The following CELSR1 variants were observed in gnomAD, a reference collection of about 807,000 sequenced individuals.
CELSR1 encodes the protein adhesion G protein-coupled receptor C1.
Under a neutral mutation model 249.1 loss-of-function variants are expected in CELSR1, and 110 were observed. That is an observed-to-expected ratio of 0.44 (90% CI 0.38 to 0.52). CELSR1 has a LOEUF of 0.52. CELSR1 is among the 20% of genes least tolerant of loss of function. CELSR1 has a pLI of 0.00. For missense variants in CELSR1, 4,109 were observed against 4,296.4 expected (o/e 0.96, Z 1.22); for synonymous variants, 2,113 against 1,900.0 (o/e 1.11, Z -2.92).
In CELSR1 at chr22:46,517,664, G is replaced by A. The variant is rs1466714587; in HGVS notation, c.3544+15963C>T. 6.6e-6 allele frequency among the ~76,000 whole-genome samples: 1 copy of A among 152,210 alleles called. No homozygotes were observed. Among genetic ancestry groups the A allele is most frequent in the African/African-American group, 2.4e-5 (1 of 41,458 alleles). ...TGCAGGACAGACAGGAAGTCTCACA[G>A]AACAATAAACCTTCATATTTTCCAT... On this transcript the variant is annotated intron_variant, in intron 1 of 34. Coordinates refer to ENST00000674500, the MANE Select transcript of CELSR1 (RefSeq NM_001378328.1). This position sits in a 1 kb window ranked among gnomAD's most constrained non-coding sequence, Gnocchi z 5.4.
chr22:46,412,493 C>T lies in CELSR1; in HGVS notation c.4612-734G>A, dbSNP rs1785340847. Among the ~76,000 whole-genome samples, 2 of 152,210 alleles carry T rather than the reference C, an allele frequency of 1.3e-5. No individual in the cohort carries two copies. Among genetic ancestry groups the T allele is most frequent in the Non-Finnish European group, 2.9e-5 (2 of 68,030 alleles). ...CCGGCCTGCAGACGGCCCCACATCT[C>T]CCCTCTAAGGCGTGGAACTCCCTCT... On this transcript the variant is annotated intron_variant, in intron 5 of 34. Coordinates refer to ENST00000674500, the MANE Select transcript of CELSR1 (RefSeq NM_001378328.1). The surrounding 1 kb of genome is among the most constrained non-coding windows in gnomAD (Gnocchi z 4.5).
intron 24 of CELSR1, 130 bp downstream of exon 24, chr22:46,376,931 G>T: frequency 1.1e-6 from 1 of 895,312 alleles, no homozygotes; most frequent in Non-Finnish European, 1.7e-6. Context: ...TCCTGAAAGG[G>T]CATCTGTGAA....
In CELSR1 at chr22:46,389,429, C is replaced by T. The variant is rs761619579; in HGVS notation, c.6416G>A (p.Arg2139His). 18 of 1,612,848 alleles carry T rather than the reference C, an allele frequency of 1.1e-5. No homozygotes were observed. Among genetic ancestry groups the T allele is most frequent in the East Asian group, 4.5e-5 (2 of 44,884 alleles). Residue 2139 changes from arginine to histidine, a missense_variant, in exon 18 of 35, where the codon CGC becomes CAC. Physicochemically the swap from Arg to His is conservative, Grantham distance 29. This residue lies in a region of CELSR1 where 1,805 missense variants were observed against 1,831.6 expected (regional missense o/e 0.99). Coordinates refer to ENST00000674500, the MANE Select transcript of CELSR1 (RefSeq NM_001378328.1). ...CGTGCCCGTGTGCTGTGTAGCACTG[C>T]GCAGCGCCCTCACCAGCTGCAGGGC... ...ARALQLVRALRSATQHTGTLF... is the reference protein window; with the variant it reads ...ARALQLVRALHSATQHTGTLF...
intron 25 of CELSR1, 91 bp downstream of exon 25, chr22:46,372,792 G>A (rs779782809): frequency 6.8e-7 from 1 of 1,461,156 alleles, no homozygotes; most frequent in Non-Finnish European, 9.2e-7. Context: ...TTGGGGCTGG[G>A]CAGGGAAGAG....
chr22:46,485,653 C>T (rs1301257682), intron 1 of CELSR1, among the ~76,000 whole-genome samples: 2 of 152,186 alleles, frequency 1.3e-5, no homozygotes, highest in Non-Finnish European at 2.9e-5. Context: ...GGCCAGCAGG[C>T]TCCATGCACC....
rs1158707400 is a variant in CELSR1 at position 46,364,522 on chromosome 22, C to T, written c.8769G>A (p.Glu2923=). 2 of 1,610,658 alleles carry T rather than the reference C, an allele frequency of 1.2e-6. No homozygotes were observed. Among genetic ancestry groups the T allele is most frequent in the Admixed American group, 1.7e-5 (1 of 59,964 alleles). ...GGCCTCCCCAGGCACCTTTCCTCTG[C>T]TCTGGGGGCTGGCTGCTAGCAAGCC... is the stretch of plus-strand genomic sequence containing the variant. ...AARLASSQPP[E]QRKGILKNKV... The change falls in exon 33 of 35, where the codon GAG becomes GAA. Residue 2923 remains glutamate (E), a synonymous_variant. Coordinates refer to ENST00000674500, the MANE Select transcript of CELSR1 (RefSeq NM_001378328.1).
At chr22:46,403,700 C>T (rs554567850) in intron 9 of CELSR1, among the ~76,000 whole-genome samples, 7 of 152,202 alleles carry the variant, frequency 4.6e-5, no homozygotes, top group South Asian at 4.1e-4. Context: ...AGGCCAGGCA[C>T]GGTGGCTCAC....
Position 46,378,723 on chromosome 22 carries a change from G to T in CELSR1, c.7257-6C>A. 12 of 1,610,640 alleles carry T rather than the reference G, an allele frequency of 7.5e-6. No individual in the cohort carries two copies. The highest frequency in any genetic ancestry group is 1.0e-5 in the Non-Finnish European group (12 of 1,178,222). ...ACCCTCCCGTCCCACCAACGCTGCG[G>T]AGAGGACAGAGAAGGGGCAGGGGTA... is the stretch of plus-strand genomic sequence containing the variant. On this transcript the variant is annotated splice_polypyrimidine_tract_variant and splice_region_variant and intron_variant, in intron 22 of 34. Coordinates refer to ENST00000674500, the MANE Select transcript of CELSR1 (RefSeq NM_001378328.1).
At chr22:46,378,347 T>A (rs1422287046) in intron 23 of CELSR1, among the ~76,000 whole-genome samples, 2 of 152,204 alleles carry the variant, frequency 1.3e-5, no homozygotes, top group African/African-American at 4.8e-5. Context: ...AAAACCCTTA[T>A]AATGGGGCTT....
At chr22:46,515,902 A>G (rs935850354) in intron 1 of CELSR1, among the ~76,000 whole-genome samples, 1 of 152,350 alleles carries the variant, frequency 6.6e-6, no homozygotes, top group East Asian at 1.9e-4. Context: ...CAAAACCACA[A>G]TGAGATATCA....
chr22:46,524,559 T>TATGC (rs2080719276), intron 1 of CELSR1, among the ~76,000 whole-genome samples: 2 of 122,836 alleles, frequency 1.6e-5, no homozygotes, highest in Non-Finnish European at 3.6e-5. Flanking sequence ...TGTGTGTGTG[T>TATGC]GTGTGTGTGT....
At chr22:46,371,103 C>T (rs1411493732) in intron 25 of CELSR1, among the ~76,000 whole-genome samples, 1 of 152,206 alleles carries the variant, frequency 6.6e-6, no homozygotes, top group Non-Finnish European at 1.5e-5. Context: ...CCTGTCACAT[C>T]AGGAAGTGGC....
At position 46,535,289 on chromosome 22, in the gene CELSR1, A is replaced by G. The variant is rs1316360623; in HGVS notation, c.1882T>C (p.Phe628Leu). 5 of 1,611,102 alleles carry G rather than the reference A, an allele frequency of 3.1e-6. No homozygotes were observed. The highest frequency in any genetic ancestry group is 4.2e-6 in the Non-Finnish European group (5 of 1,179,998). The stretch of plus-strand genomic sequence containing the variant: ...GAGCTGTTGTGGATCTGGAAGGGGA[A>G]GTCAGGGGTGGGGGCAGGATTCTTA... ...GPKNPAPTPD[F>L]PFQIHNSSGW... Residue 628 changes from phenylalanine (F) to leucine (L), a missense_variant, in exon 1 of 35, where the codon TTC becomes CTC. Coordinates refer to ENST00000674500, the MANE Select transcript of CELSR1 (RefSeq NM_001378328.1).
At chr22:46,400,215 G>C (rs941030064) in intron 9 of CELSR1, among the ~76,000 whole-genome samples, 1 of 151,860 alleles carries the variant, frequency 6.6e-6, no homozygotes, top group African/African-American at 2.4e-5. Flanking sequence ...CTGTAATCCT[G>C]GCTACTCAGA....
chr22:46,377,348 T>C, intron 23 of CELSR1, 87 bp from the exon 24 acceptor site: 1 of 1,384,626 alleles, frequency 7.2e-7, no homozygotes, highest in East Asian at 2.5e-5. Context: ...AATTACACAC[T>C]TGCTTATGAA....
Position 46,409,629 on chromosome 22 carries a change from C to T in CELSR1, c.5059+126G>A. Reference sequence around the variant, plus strand: ...GGGCGGTGTGAGTCCACAGTAAATGCAGCATATACCACCAGAGGCTGCCGG... The same window carrying T: ...GGGCGGTGTGAGTCCACAGTAAATGTAGCATATACCACCAGAGGCTGCCGG... On this transcript the variant is annotated intron_variant, in intron 8 of 34. Coordinates refer to ENST00000674500, the MANE Select transcript of CELSR1 (RefSeq NM_001378328.1). This position sits in a 1 kb window ranked among gnomAD's most constrained non-coding sequence, Gnocchi z 9.8. The T allele has an allele frequency of 8.7e-7, 1 of 1,143,726 alleles. No homozygotes were observed. Among genetic ancestry groups the T allele is most frequent in the Admixed American group, 1.9e-5 (1 of 52,712 alleles). The allele number at this position is 1,143,726 out of a possible 1,614,324, so 70.8% of individuals were successfully genotyped here. A position where few individuals can be genotyped will look rare whatever the true frequency, so the allele number is the denominator to read the frequency against.
At position 46,391,500 on chromosome 22, in the gene CELSR1, A is replaced by C. The variant is rs867130457; in HGVS notation, c.6148+133T>G. 25 of 1,124,838 alleles carry C rather than the reference A, an allele frequency of 2.2e-5. No individual in the cohort carries two copies. Among genetic ancestry groups the C allele is most frequent in the African/African-American group, 2.2e-4 (14 of 63,754 alleles). The allele number at this position is 1,124,838 out of a possible 1,614,324, so 69.7% of individuals were successfully genotyped here. On this transcript the variant is annotated intron_variant, in intron 15 of 34. Coordinates refer to ENST00000674500, the MANE Select transcript of CELSR1 (RefSeq NM_001378328.1). This position sits in a 1 kb window ranked among gnomAD's most constrained non-coding sequence, Gnocchi z 4.3. ...CCTCACGCAGAACCAGGTTTCTAGA[A>C]GGTCAAGAGAACTCAGAACACGAGG...
chr22:46,365,549 C>T, intron 31 of CELSR1, 37 bp downstream of exon 31: 2 of 1,556,262 alleles, frequency 1.3e-6, no homozygotes, highest in Non-Finnish European at 1.7e-6. Context: ...GTGGGAAAAA[C>T]AACCCACGGG....
intron 2 of CELSR1, among the ~76,000 whole-genome samples, chr22:46,452,060 G>T (rs1448406306): frequency 6.6e-6 from 1 of 152,160 alleles, no homozygotes. Context: ...AGCCGGCCCT[G>T]CCAACACCTT....
Sources: allele counts gnomAD v4.1 joint callset (sites outside exome capture counted in the v4.1 genomes callset), GRCh38; gene constraint gnomAD v4.1.1; regional missense constraint gnomAD v4.1.1; non-coding constraint Gnocchi (gnomAD v3.1); transcripts MANE v1.5; gene names NCBI Gene and HGNC (gene_info 2026-07-23, HGNC 2026-07-21).